SCN8A: variants seen among roughly 807,000 people sequenced by gnomAD.
SCN8A encodes sodium channel protein type 8 subunit alpha.
Under a neutral mutation model 184.1 loss-of-function variants are expected in SCN8A, and 30 were observed. The observed-to-expected ratio is 0.16, with a 90% confidence interval of 0.12 to 0.22. The LOEUF (loss-of-function observed/expected upper bound fraction) is 0.22. Ranked by LOEUF, SCN8A falls within the 10% of genes least tolerant of loss-of-function variation. The probability of loss-of-function intolerance (pLI) is 1.00; values close to 1 mark genes in which losing one functional copy is unlikely to be tolerated. For synonymous variants in SCN8A, 852 were observed against 907.0 expected (o/e 0.94, Z 1.09); for missense variants, 1,057 against 2,498.9 (o/e 0.42, Z 12.30).
intron 12 of SCN8A, among the ~76,000 whole-genome samples, chr12:51,727,001 C>T (rs1018080958): frequency 2.0e-5 from 3 of 152,150 alleles, no homozygotes; most frequent in Non-Finnish European, 2.9e-5. Context: ...GGCTAATAAA[C>T]GTCCAGTTAT....
At chr12:51,647,905 A>G (rs761254197) in intron 1 of SCN8A, among the ~76,000 whole-genome samples, 6 of 152,154 alleles carry the variant, frequency 3.9e-5, no homozygotes, top group Non-Finnish European at 7.4e-5. Context: ...TGAGCTATAT[A>G]TCAACATGCA....
At chr12:51,786,445 A>T (rs1938087868) in intron 21 of SCN8A, 97 bp from the exon 22 acceptor site, 4 of 1,338,622 alleles carry the variant, frequency 3.0e-6, no homozygotes. Context: ...GTTTCCATAC[A>T]GAACAAGCCA....
chr12:51,752,320 G>A (rs1432178018), intron 14 of SCN8A, among the ~76,000 whole-genome samples: 1 of 151,944 alleles, frequency 6.6e-6, no homozygotes, highest in East Asian at 1.9e-4. Context: ...TTAACCACAG[G>A]CATGTCCAAA....
intron 14 of SCN8A, among the ~76,000 whole-genome samples, chr12:51,754,350 C>T (rs559764347): frequency 7.3e-5 from 11 of 150,044 alleles, no homozygotes; most frequent in Non-Finnish European, 1.6e-4. Context: ...ACAATAAAAG[C>T]CTTATCACAT....
chr12:51,668,953 T>C lies in SCN8A; in HGVS notation c.276+5860T>C, dbSNP rs568804809. ...GTCACAGAGTGTACTTACACAAATC[T>C]AGACGATGTAGCCTACTGCACCCCT... On this transcript the variant is annotated intron_variant, in intron 2 of 26. Coordinates refer to ENST00000627620, the MANE Select transcript of SCN8A (RefSeq NM_001330260.2). Among the ~76,000 whole-genome samples the C allele has an allele frequency of 1.5e-4, 23 of 152,312 alleles. No individual in the cohort carries two copies. In the South Asian group the frequency reaches 4.6e-3, roughly 30 times the overall value.
At chr12:51,593,842 C>T (rs1939286415) in intron 1 of SCN8A, among the ~76,000 whole-genome samples, 1 of 152,216 alleles carries the variant, frequency 6.6e-6, no homozygotes, top group African/African-American at 2.4e-5. Flanking sequence ...GTTTTACAGG[C>T]TGCAACAGAT....
intron 13 of SCN8A, among the ~76,000 whole-genome samples, chr12:51,748,930 G>T (rs926247026): frequency 3.3e-5 from 5 of 152,170 alleles, no homozygotes; most frequent in African/African-American, 1.2e-4. Context: ...TGGTGAAATT[G>T]TGAGGTCCTT....
rs1941385273 is a variant in SCN8A, at chr12:51,684,361, TG to T, written c.395+70del. 5.0e-6 allele frequency: 4 copies of T among 795,058 alleles called. No individual in the cohort carries two copies. In the Admixed American group the frequency reaches 7.5e-5, roughly 15 times the overall value. 49.3% of individuals were successfully genotyped at this position (795,058 alleles called of 1,614,324 possible). A position where few individuals can be genotyped will look rare whatever the true frequency, so the allele number is the denominator to read the frequency against. On this transcript the variant is annotated intron_variant, in intron 3 of 26. Coordinates refer to ENST00000627620, the MANE Select transcript of SCN8A (RefSeq NM_001330260.2). ...GTTGCTTGTTTACCTTTCCAATATT[TG>T]ACAACTGGATTATATGTTAAGTTTT...
At position 51,616,736 on chromosome 12, in the gene SCN8A, T is replaced by C. The variant is rs183189661; in HGVS notation, c.-55+25377T>C. ...GGAGTTTGAGACAGGCTGGGCAACA[T>C]AGGGAGACCCCCATCTCTACAAATA... On this transcript the variant is annotated intron_variant, in intron 1 of 26. Transcript: ENST00000627620. 5.6e-3 allele frequency among the ~76,000 whole-genome samples: 844 copies of C among 151,684 alleles called. 6 individuals are homozygous for C. Among genetic ancestry groups the C allele is most frequent in the Middle Eastern group, 0.01 (3 of 294 alleles).
At chr12:51,761,472 T>TTTA (rs1383262515) in intron 14 of SCN8A, among the ~76,000 whole-genome samples, 112 of 149,826 alleles carry the variant, frequency 7.5e-4, no homozygotes, top group African/African-American at 2.8e-3. Flanking sequence ...TTTATTATTA[T>TTTA]TTATTTATTA....
intron 11 of SCN8A, among the ~76,000 whole-genome samples, chr12:51,707,389 C>G (rs1049385511): frequency 2.6e-4 from 40 of 152,194 alleles, no homozygotes; most frequent in African/African-American, 9.4e-4. Context: ...TTGCAAACTT[C>G]AGGAGCAAGG....
intron 1 of SCN8A, among the ~76,000 whole-genome samples, chr12:51,632,212 A>G (rs190825712): frequency 6.6e-6 from 1 of 152,334 alleles, no homozygotes; most frequent in East Asian, 1.9e-4. Flanking sequence ...TTCTTTTTCA[A>G]ACCTTTAATG....
chr12:51,678,250 G>A (rs1718161455), intron 2 of SCN8A, among the ~76,000 whole-genome samples: 1 of 152,186 alleles, frequency 6.6e-6, no homozygotes, highest in Non-Finnish European at 1.5e-5. Context: ...GCAGGGAAAA[G>A]CATTGTGTGA....
In SCN8A at chr12:51,627,639, C is replaced by A. The variant is rs191619060; in HGVS notation, c.-54-35125C>A. Among the ~76,000 whole-genome samples, 158 of 152,318 alleles carry A rather than the reference C, an allele frequency of 1.0e-3. 2 individuals are homozygous for A. Among genetic ancestry groups the A allele is most frequent in the Admixed American group, 8.0e-3 (122 of 15,308 alleles). On this transcript the variant is annotated intron_variant, in intron 1 of 26. Coordinates refer to ENST00000627620, the MANE Select transcript of SCN8A (RefSeq NM_001330260.2). ...TCGTGATTCCCCCAGCCTCGGCTTC[C>A]CAAATTGCTGGGATTACAGGCATGA...
chr12:51,725,307 TATG>T (rs1325902821), intron 12 of SCN8A, among the ~76,000 whole-genome samples: 1 of 152,192 alleles, frequency 6.6e-6, no homozygotes, highest in African/African-American at 2.4e-5. Flanking sequence ...GTTTGTGTGG[TATG>T]ATACCAAATT....
At chr12:51,647,106 G>C (rs1260516741) in intron 1 of SCN8A, among the ~76,000 whole-genome samples, 1 of 152,144 alleles carries the variant, frequency 6.6e-6, no homozygotes, top group African/African-American at 2.4e-5. Context: ...CCACTTGGGA[G>C]GCTGAGGCAG....
intron 19 of SCN8A, 52 bp downstream of exon 19, chr12:51,770,735 G>A (rs1942913832): frequency 1.6e-5 from 26 of 1,583,962 alleles, no homozygotes; most frequent in African/African-American, 1.3e-5. Context: ...AGGGTGTAGA[G>A]AAGCCAGTGG....
At chr12:51,611,257 G>A (rs1156528170) in intron 1 of SCN8A, among the ~76,000 whole-genome samples, 2 of 151,498 alleles carry the variant, frequency 1.3e-5, no homozygotes, top group South Asian at 2.1e-4. Flanking sequence ...CGCCTCCCAG[G>A]TTCACGCCAT....
chr12:51,724,423 G>T (rs1376412957), intron 12 of SCN8A, among the ~76,000 whole-genome samples: 1 of 152,176 alleles, frequency 6.6e-6, no homozygotes, highest in Non-Finnish European at 1.5e-5. Context: ...CTCCAGCCTA[G>T]GCAAGAAGAG....
Sources: gnomAD v4.1 joint callset for allele counts (sites outside exome capture counted in the v4.1 genomes callset) on GRCh38, gnomAD v4.1.1 for gene constraint, MANE v1.5 for transcripts, NCBI Gene and HGNC (gene_info 2026-07-23, HGNC 2026-07-21) for gene names.